DNAH10: variants seen among roughly 807,000 people sequenced by gnomAD.
DNAH10 encodes the protein axonemal beta dynein heavy chain 10.
A neutral mutation model predicts 506.6 loss-of-function variants in DNAH10; 348 were observed. The observed-to-expected ratio is 0.69, with a 90% confidence interval of 0.63 to 0.75. DNAH10 has a LOEUF of 0.75. DNAH10 is among the 30% of genes least tolerant of loss of function. DNAH10 has a pLI of 0.00. For missense variants in DNAH10, 5,179 were observed against 5,787.1 expected (o/e 0.89, Z 3.41); for synonymous variants, 2,059 against 2,198.6 (o/e 0.94, Z 1.78).
At chr12:123,847,308 TTATC>T (rs71308008) in intron 32 of DNAH10, among the ~76,000 whole-genome samples, 16,415 of 148,922 alleles carry the variant, frequency 0.11, 998 homozygotes, top group Non-Finnish European at 0.13. Flanking sequence ...ATCATCTATT[TTATC>T]TATCTATCTA....
chr12:123,867,593 C>A lies in DNAH10; in HGVS notation c.7294C>A (p.Leu2432Ile), dbSNP rs146743495. The change falls in exon 42 of 79, where the codon CTC (leucine) becomes ATC (isoleucine). Residue 2432 changes from leucine (L) to isoleucine (I), a missense_variant. Physicochemically the swap from Leu to Ile is conservative, Grantham distance 5. Around this residue, in one of 3 missense-constraint regions of DNAH10, gnomAD observed 4,844 missense variants for 5,430.5 expected, o/e 0.89. Transcript: ENST00000673944. ...KLKTIVPQTD[L>I]NMVTQLAKML... Reference sequence around the variant, plus strand: ...GAAGACAATAGTTCCTCAGACAGACCTCAATATGGTAAGAAATGATCCCTG... The same window carrying A: ...GAAGACAATAGTTCCTCAGACAGACATCAATATGGTAAGAAATGATCCCTG... 1.2e-6 allele frequency: 2 copies of A among 1,613,556 alleles called. No individual in the cohort carries two copies. The highest frequency in any genetic ancestry group is 8.5e-7 in the Non-Finnish European group (1 of 1,179,826).
At chr12:123,844,074 A>G (rs73219083) in intron 30 of DNAH10, among the ~76,000 whole-genome samples, 6,560 of 152,324 alleles carry the variant, frequency 0.043, 193 homozygotes, top group Non-Finnish European at 0.064. Context: ...GGGAGGCCTC[A>G]GGAAACTTAC....
At position 123,813,646 on chromosome 12, in the gene DNAH10, C is replaced by T; in HGVS notation, c.3621+6C>T. ...ATCTCCATGAAGAGATGGAGGTACT[C>T]AATCGCTGTGTGTAATTGAAACTAC... On this transcript the variant is annotated splice_donor_region_variant and intron_variant, in intron 20 of 78. Coordinates refer to ENST00000673944, the MANE Select transcript of DNAH10 (RefSeq NM_001372106.1). 1.2e-6 allele frequency: 2 copies of T among 1,613,648 alleles called. No individual in the cohort carries two copies. The highest frequency in any genetic ancestry group is 1.7e-6 in the Non-Finnish European group (2 of 1,179,698).
chr12:123,886,387 C>T (rs1952726738), intron 51 of DNAH10, among the ~76,000 whole-genome samples: 2 of 151,928 alleles, frequency 1.3e-5, no homozygotes, highest in South Asian at 2.1e-4. Context: ...CGGCTGCACT[C>T]GGGAGGGGTG....
chr12:123,822,509 T>C (rs1444971182), intron 24 of DNAH10, among the ~76,000 whole-genome samples: 1 of 152,202 alleles, frequency 6.6e-6, no homozygotes, highest in African/African-American at 2.4e-5. Context: ...ATAACCTGTA[T>C]CTATACCTGT....
At chr12:123,867,400 G>A in intron 41 of DNAH10, 67 bp from the exon 42 acceptor site, 1 of 1,534,694 alleles carries the variant, frequency 6.5e-7, no homozygotes, top group African/African-American at 1.4e-5. Context: ...GGCAAGAAAA[G>A]CTTTCCACTA....
chr12:123,926,696 C>G lies in DNAH10; in HGVS notation c.11981C>G (p.Ser3994Trp). 1 of 1,614,000 alleles carries G rather than the reference C, an allele frequency of 6.2e-7. No individual in the cohort carries two copies. Among genetic ancestry groups the G allele is most frequent in the Non-Finnish European group, 8.5e-7 (1 of 1,179,890 alleles). The change falls in exon 69 of 79, where the codon TCG (serine) becomes TGG (tryptophan). Residue 3994 changes from serine to tryptophan, a missense_variant. Ser to Trp is a radical substitution (Grantham distance 177). This residue lies in a region of DNAH10 where 4,844 missense variants were observed against 5,430.5 expected (regional missense o/e 0.89). Transcript: ENST00000673944. The surrounding 1 kb of genome is among the most constrained non-coding windows in gnomAD (Gnocchi z 4.1). ...ATTTTTGAGCAGAGCACTCCACATT[C>G]GCCCATTGTGTTTATCCTGAGTCCT... ...EAIFEQSTPH[S>W]PIVFILSPGS...
At chr12:123,892,763 G>A (rs1216904488) in intron 52 of DNAH10, among the ~76,000 whole-genome samples, 1 of 152,216 alleles carries the variant, frequency 6.6e-6, no homozygotes, top group African/African-American at 2.4e-5. Flanking sequence ...TGACATTTGG[G>A]GCTGGGCTGT....
chr12:123,801,472 A>T, intron 16 of DNAH10, 40 bp downstream of exon 16: 1 of 1,591,970 alleles, frequency 6.3e-7, no homozygotes, highest in Non-Finnish European at 8.6e-7. Flanking sequence ...TAGACTTGGG[A>T]TGCAAAGTAA....
intron 57 of DNAH10, among the ~76,000 whole-genome samples, chr12:123,905,893 G>T (rs1015780272): frequency 1.3e-5 from 2 of 151,768 alleles, no homozygotes; most frequent in African/African-American, 4.8e-5. Context: ...TTATTTTTAT[G>T]TGGCAGGTTT....
In DNAH10 at chr12:123,917,356, A is replaced by C. The variant is rs879892403; in HGVS notation, c.11003-228A>C. On this transcript the variant is annotated intron_variant, in intron 63 of 78. Transcript: ENST00000673944. This position sits in a 1 kb window ranked among gnomAD's most constrained non-coding sequence, Gnocchi z 5.6. Reference sequence around the variant, plus strand: ...CCCAGTCCGTGGAAGCCTGGGTTTTATTTCAGTGTGTTTTTTCCTTTTTAT... The same window carrying C: ...CCCAGTCCGTGGAAGCCTGGGTTTTCTTTCAGTGTGTTTTTTCCTTTTTAT... Among the ~76,000 whole-genome samples the C allele has an allele frequency of 2.0e-5, 3 of 152,024 alleles. No individual in the cohort carries two copies. Among genetic ancestry groups the C allele is most frequent in the Non-Finnish European group, 4.4e-5 (3 of 68,006 alleles).
chr12:123,790,079 G>A lies in DNAH10; in HGVS notation c.1773G>A (p.Gln591=). The A allele has an allele frequency of 6.2e-7, 1 of 1,614,142 alleles. No individual in the cohort carries two copies. Among genetic ancestry groups the A allele is most frequent in the Middle Eastern group, 1.6e-4 (1 of 6,062 alleles). Residue 591 remains glutamine (Q), a synonymous_variant, in exon 11 of 79, where the codon CAG becomes CAA. Coordinates refer to ENST00000673944, the MANE Select transcript of DNAH10 (RefSeq NM_001372106.1). ...ACCCCTTCAGCATCAAGTCCTCCCA[G>A]TTCTGGAAATATGTGATGGATGAAT... ...TFDPFSIKSS[Q]FWKYVMDEFK...
Position 123,913,009 on chromosome 12 carries a change from GT to G in DNAH10, c.10135-86del. On this transcript the variant is annotated intron_variant, in intron 59 of 78. Coordinates refer to ENST00000673944, the MANE Select transcript of DNAH10 (RefSeq NM_001372106.1). The surrounding 1 kb of genome is among the most constrained non-coding windows in gnomAD (Gnocchi z 5.1). ...GAAAAGCACAGACACCATTAGAGCA[GT>G]TTAGACATGTGGCCTGGTTTGAGGC... The G allele has an allele frequency of 7.8e-7, 1 of 1,280,290 alleles. No homozygotes were observed. The highest frequency in any genetic ancestry group is 1.1e-6 in the Non-Finnish European group (1 of 920,592). 79.3% of individuals were successfully genotyped at this position (1,280,290 alleles called of 1,614,324 possible).
At chr12:123,921,351 AT>A (rs1185662017) in intron 65 of DNAH10, among the ~76,000 whole-genome samples, 1 of 152,156 alleles carries the variant, frequency 6.6e-6, no homozygotes, top group Non-Finnish European at 1.5e-5. Context: ...TGAAAGCCAT[AT>A]TTTCAGTACG....
At chr12:123,794,771 A>G (rs1594043719) in intron 12 of DNAH10, among the ~76,000 whole-genome samples, 1 of 151,534 alleles carries the variant, frequency 6.6e-6, no homozygotes, top group African/African-American at 2.4e-5. Flanking sequence ...ACCTGGGCCA[A>G]TGGAGGTTGA....
At position 123,897,822 on chromosome 12, in the gene DNAH10, T is replaced by A. The variant is rs1566066841; in HGVS notation, c.9333T>A (p.Val3111=). The part of the protein sequence containing the change: ...AENIENVVKH[V]VLVHQSVDHY... The stretch of plus-strand genomic sequence containing the variant: ...ATATAGAAAATGTGGTGAAGCATGT[T>A]GTCTTGGTTCACCAATCCGTGGACC... Residue 3111 remains valine, a synonymous_variant, in exon 55 of 79, where the codon GTT becomes GTA. Coordinates refer to ENST00000673944, the MANE Select transcript of DNAH10 (RefSeq NM_001372106.1). 1 of 1,611,610 alleles carries A rather than the reference T, an allele frequency of 6.2e-7. No individual in the cohort carries two copies. Among genetic ancestry groups the A allele is most frequent in the Non-Finnish European group, 8.5e-7 (1 of 1,179,336 alleles).
intron 12 of DNAH10, among the ~76,000 whole-genome samples, chr12:123,795,861 G>C (rs1958256351): frequency 6.6e-6 from 1 of 152,138 alleles, no homozygotes. Context: ...GTAACTAAAA[G>C]AGTATAATTG....
intron 54 of DNAH10, among the ~76,000 whole-genome samples, chr12:123,896,144 C>CATAGAG: frequency 9.0e-6 from 1 of 110,702 alleles, no homozygotes; most frequent in South Asian, 2.7e-4. Context: ...CACACACACA[C>CATAGAG]ACACAGAGAG....
chr12:123,892,008 T>G (rs1953004237), intron 52 of DNAH10, among the ~76,000 whole-genome samples: 1 of 152,224 alleles, frequency 6.6e-6, no homozygotes, highest in African/African-American at 2.4e-5. Context: ...TGCTCCGGGA[T>G]TTCCTTGGGG....
Sources: allele counts gnomAD v4.1 joint callset (sites outside exome capture counted in the v4.1 genomes callset), GRCh38; gene constraint gnomAD v4.1.1; regional missense constraint gnomAD v4.1.1; non-coding constraint Gnocchi (gnomAD v3.1); transcripts MANE v1.5; gene names NCBI Gene and HGNC (gene_info 2026-07-23, HGNC 2026-07-21).